Variants in CERKL observed in about 807,000 individuals in gnomAD.
CERKL encodes ceramide kinase-like protein.
Under a neutral mutation model 63.4 loss-of-function variants are expected in CERKL, and 61 were observed. That is an observed-to-expected ratio of 0.96 (90% CI 0.78 to 1.19). The LOEUF is 1.19. CERKL is among the 50% of genes most tolerant of loss of function. CERKL has a pLI of 0.00. For missense variants in CERKL, 675 were observed against 655.5 expected (o/e 1.03, Z -0.33); for synonymous variants, 250 against 230.5 (o/e 1.08, Z -0.77).
chr2:181,627,090 G>A (rs1686740403), intron 1 of CERKL, among the ~76,000 whole-genome samples: 1 of 152,134 alleles, frequency 6.6e-6, no homozygotes, highest in East Asian at 1.9e-4. Flanking sequence ...CTATTTAGCT[G>A]CAAAATTTGA....
At chr2:181,586,269 A>G (rs886636574) in intron 2 of CERKL, among the ~76,000 whole-genome samples, 1 of 152,210 alleles carries the variant, frequency 6.6e-6, no homozygotes, top group Non-Finnish European at 1.5e-5. Flanking sequence ...GAAATAAAGT[A>G]TAATGTAAGG....
At chr2:181,577,850 C>T (rs1684321498) in intron 2 of CERKL, among the ~76,000 whole-genome samples, 1 of 152,116 alleles carries the variant, frequency 6.6e-6, no homozygotes, top group East Asian at 1.9e-4. Flanking sequence ...TTCCCTCCAG[C>T]TAATGTCAAA....
chr2:181,614,937 T>C (rs1459878364), intron 1 of CERKL, among the ~76,000 whole-genome samples: 1 of 152,216 alleles, frequency 6.6e-6, no homozygotes. Context: ...TTGCAAGTTA[T>C]GATAATTAAA....
At chr2:181,571,171 A>G (rs1371175682) in intron 3 of CERKL, among the ~76,000 whole-genome samples, 2 of 152,182 alleles carry the variant, frequency 1.3e-5, no homozygotes, top group Non-Finnish European at 2.9e-5. Flanking sequence ...TATTCAAGAA[A>G]TATTTTTCAT....
At chr2:181,655,742 A>AT (rs926123718) in intron 1 of CERKL, among the ~76,000 whole-genome samples, 8 of 152,148 alleles carry the variant, frequency 5.3e-5, no homozygotes, top group African/African-American at 1.7e-4. Context: ...GGGGAAGGCA[A>AT]TTTTTTTAAT....
intron 11 of CERKL, among the ~76,000 whole-genome samples, chr2:181,540,928 T>C (rs969649112): frequency 1.3e-5 from 2 of 152,066 alleles, no homozygotes; most frequent in Non-Finnish European, 2.9e-5. Context: ...TTAAAGAACA[T>C]ATAAGATTTA....
intron 1 of CERKL, among the ~76,000 whole-genome samples, chr2:181,634,394 T>C (rs950816785): frequency 3.9e-5 from 6 of 152,122 alleles, no homozygotes; most frequent in African/African-American, 1.4e-4. Context: ...AATATGATAA[T>C]ATCCGTATCA....
chr2:181,580,417 A>G (rs6726187), intron 2 of CERKL, among the ~76,000 whole-genome samples: 1 of 150,730 alleles, frequency 6.6e-6, no homozygotes, highest in Non-Finnish European at 1.5e-5. Context: ...CCCTTTATTC[A>G]CTTGGATTTT....
At chr2:181,602,626 T>A (rs1344967568) in intron 2 of CERKL, among the ~76,000 whole-genome samples, 1 of 152,242 alleles carries the variant, frequency 6.6e-6, no homozygotes, top group African/African-American at 2.4e-5. Context: ...TAATGTCACT[T>A]CAGCTCATCT....
intron 12 of CERKL, 38 bp from the exon 13 acceptor site, chr2:181,538,282 T>C (rs1458805952): frequency 3.0e-6 from 4 of 1,321,562 alleles, no homozygotes; most frequent in Non-Finnish European, 4.4e-6. Context: ...ACTTATTTTG[T>C]TGTTTTTCAC....
At chr2:181,646,419 A>C (rs771514939) in intron 1 of CERKL, among the ~76,000 whole-genome samples, 3 of 152,238 alleles carry the variant, frequency 2.0e-5, no homozygotes, top group Admixed American at 2.0e-4. Context: ...AAACATTCTG[A>C]CAGCTGATGC....
intron 1 of CERKL, among the ~76,000 whole-genome samples, chr2:181,614,461 C>G (rs986198376): frequency 1.3e-5 from 2 of 152,216 alleles, no homozygotes; most frequent in South Asian, 4.1e-4. Flanking sequence ...TACACCTTTA[C>G]GGTATCACCT....
chr2:181,605,544 C>T (rs1316555203), intron 1 of CERKL, among the ~76,000 whole-genome samples: 1 of 152,150 alleles, frequency 6.6e-6, no homozygotes, highest in East Asian at 1.9e-4. Flanking sequence ...TGGCTAAAGA[C>T]TGCTGTGATT....
At chr2:181,588,824 T>G (rs1403223986) in intron 2 of CERKL, among the ~76,000 whole-genome samples, 1 of 152,218 alleles carries the variant, frequency 6.6e-6, no homozygotes, top group African/African-American at 2.4e-5. Context: ...TAATTTGCAT[T>G]TCCCTGATTG....
intron 3 of CERKL, among the ~76,000 whole-genome samples, chr2:181,573,468 G>T (rs1688993816): frequency 1.3e-5 from 2 of 152,052 alleles, no homozygotes; most frequent in African/African-American, 4.8e-5. Flanking sequence ...ACATCTCCAT[G>T]AAGATGTAAA....
chr2:181,645,446 T>C (rs1416191455), intron 1 of CERKL, among the ~76,000 whole-genome samples: 1 of 152,240 alleles, frequency 6.6e-6, no homozygotes, highest in Non-Finnish European at 1.5e-5. Flanking sequence ...GTTTCTATCC[T>C]CCACCTGCCC....
Position 181,656,854 on chromosome 2 carries a change from G to T in CERKL, c.153C>A (p.Ile51=). Residue 51 remains isoleucine (I), a synonymous_variant, in exon 1 of 13, where the codon ATC becomes ATA. Coordinates refer to ENST00000410087, the MANE Select transcript of CERKL (RefSeq NM_201548.5). ...CACAACTGTCCCTCCCGATCTCGAA[G>T]ATGCCCCGGAGCAGAATCCGCTCGG... is the stretch of plus-strand genomic sequence containing the variant. The part of the protein sequence containing the change: ...AAAERILLRG[I]FEIGRDSCDV... 1 of 1,603,702 alleles carries T rather than the reference G, an allele frequency of 6.2e-7. No individual in the cohort carries two copies. The highest frequency in any genetic ancestry group is 8.5e-7 in the Non-Finnish European group (1 of 1,173,242).
At chr2:181,598,461 C>T (rs528584561) in intron 2 of CERKL, among the ~76,000 whole-genome samples, 4 of 152,178 alleles carry the variant, frequency 2.6e-5, no homozygotes, top group South Asian at 2.1e-4. Context: ...CCTATCTCCC[C>T]CCAACCAGCG....
At chr2:181,645,756 ATCTC>A (rs1285565129) in intron 1 of CERKL, among the ~76,000 whole-genome samples, 7 of 152,230 alleles carry the variant, frequency 4.6e-5, no homozygotes, top group Admixed American at 2.6e-4. Context: ...GTACTTCACT[ATCTC>A]TATATCTACA....
Sources: gnomAD v4.1 joint callset for allele counts (sites outside exome capture counted in the v4.1 genomes callset) on GRCh38, gnomAD v4.1.1 for gene constraint, MANE v1.5 for transcripts, NCBI Gene and HGNC (gene_info 2026-07-23, HGNC 2026-07-21) for gene names.